Variants in GPR176 observed in about 807,000 individuals in gnomAD.
GPR176 encodes the protein G protein-coupled receptor 176.
In GPR176, 26 loss-of-function variants were observed where a neutral mutation model predicts 35.4. The ratio of observed to expected loss-of-function variants is 0.74; its 90% CI spans 0.54 to 1.02. GPR176 has a LOEUF of 1.02. GPR176 is among the 50% of genes least tolerant of loss of function. GPR176 has a pLI of 0.00. For missense variants in GPR176, 597 were observed against 665.3 expected (o/e 0.90, Z 1.13); for synonymous variants, 278 against 271.3 (o/e 1.02, Z -0.24).
At chr15:39,874,732 C>A (rs2032177067) in intron 1 of GPR176, among the ~76,000 whole-genome samples, 1 of 152,094 alleles carries the variant, frequency 6.6e-6, no homozygotes, top group African/African-American at 2.4e-5. Flanking sequence ...AATAATGTCA[C>A]AAAAATGCTT....
At chr15:39,814,029 A>G (rs1899740072) in intron 1 of GPR176, among the ~76,000 whole-genome samples, 4 of 152,210 alleles carry the variant, frequency 2.6e-5, no homozygotes, top group African/African-American at 9.6e-5. Flanking sequence ...CAGCCTCACT[A>G]AAATGTTTGC....
chr15:39,853,304 A>G (rs574995033), intron 1 of GPR176, among the ~76,000 whole-genome samples: 16 of 152,244 alleles, frequency 1.1e-4, no homozygotes, highest in Non-Finnish European at 1.9e-4. Context: ...AAGTGAAATC[A>G]GCCAGTCACA....
At chr15:39,814,113 GT>G (rs1477755878) in intron 1 of GPR176, among the ~76,000 whole-genome samples, 5 of 152,194 alleles carry the variant, frequency 3.3e-5, no homozygotes, top group African/African-American at 1.2e-4. Context: ...GTTTGCAACT[GT>G]GCATGTTACC....
At chr15:39,857,042 A>G (rs1414265598) in intron 1 of GPR176, among the ~76,000 whole-genome samples, 1 of 152,134 alleles carries the variant, frequency 6.6e-6, no homozygotes, top group Non-Finnish European at 1.5e-5. Flanking sequence ...CATTCCATAT[A>G]TATTTATTGG....
intron 2 of GPR176, among the ~76,000 whole-genome samples, chr15:39,805,909 C>T (rs911939364): frequency 1.3e-5 from 2 of 152,212 alleles, no homozygotes; most frequent in African/African-American, 4.8e-5. Flanking sequence ...GTAGGCAGGA[C>T]TCAAAGCCAG....
At chr15:39,850,717 G>A (rs1206777863) in intron 1 of GPR176, among the ~76,000 whole-genome samples, 1 of 151,936 alleles carries the variant, frequency 6.6e-6, no homozygotes, top group African/African-American at 2.4e-5. Context: ...TTACCATCGG[G>A]GGACATTGGG....
chr15:39,851,040 GA>G (rs1161845963), intron 1 of GPR176, among the ~76,000 whole-genome samples: 1 of 152,078 alleles, frequency 6.6e-6, no homozygotes, highest in Non-Finnish European at 1.5e-5. Flanking sequence ...TGTGAAGAAC[GA>G]AAGACAAAGT....
intron 1 of GPR176, among the ~76,000 whole-genome samples, chr15:39,874,456 A>G (rs1228459302): frequency 6.6e-6 from 1 of 152,182 alleles, no homozygotes; most frequent in Non-Finnish European, 1.5e-5. Flanking sequence ...AACAAATTCC[A>G]AAGTTCTTCC....
intron 1 of GPR176, among the ~76,000 whole-genome samples, chr15:39,825,489 T>C (rs1276305888): frequency 6.6e-6 from 1 of 152,096 alleles, no homozygotes; most frequent in Non-Finnish European, 1.5e-5. Context: ...TATGGTATTA[T>C]TATTTTGTAA....
chr15:39,889,272 C>T (rs2032778641), intron 1 of GPR176, among the ~76,000 whole-genome samples: 1 of 152,124 alleles, frequency 6.6e-6, no homozygotes, highest in Non-Finnish European at 1.5e-5. Flanking sequence ...TATTGGCCGG[C>T]CACAGTGGTT....
intron 1 of GPR176, among the ~76,000 whole-genome samples, chr15:39,808,161 T>C (rs1306578865): frequency 6.6e-6 from 1 of 152,210 alleles, no homozygotes; most frequent in Non-Finnish European, 1.5e-5. Context: ...CTGGTAATTT[T>C]CCATCAAAAT....
chr15:39,894,794 C>G (rs964577901), intron 1 of GPR176, among the ~76,000 whole-genome samples: 3 of 149,954 alleles, frequency 2.0e-5, no homozygotes, highest in African/African-American at 7.4e-5. Context: ...CAGGCAGAGA[C>G]GCTCCTCACT....
At chr15:39,890,547 A>C (rs562146457) in intron 1 of GPR176, among the ~76,000 whole-genome samples, 2 of 152,364 alleles carry the variant, frequency 1.3e-5, no homozygotes, top group South Asian at 4.1e-4. Flanking sequence ...ATAGAATCAT[A>C]TACTTTGATT....
intron 1 of GPR176, among the ~76,000 whole-genome samples, chr15:39,871,923 T>C (rs1202639224): frequency 1.3e-5 from 2 of 152,198 alleles, no homozygotes; most frequent in African/African-American, 4.8e-5. Flanking sequence ...AAAGCTAAAA[T>C]GGAAAGACAT....
chr15:39,866,162 C>T (rs1422399080), intron 1 of GPR176, among the ~76,000 whole-genome samples: 2 of 151,966 alleles, frequency 1.3e-5, no homozygotes, highest in East Asian at 1.9e-4. Flanking sequence ...ATATATACTA[C>T]ATATTTGCTT....
intron 1 of GPR176, among the ~76,000 whole-genome samples, chr15:39,815,801 A>G (rs530261909): frequency 3.3e-5 from 5 of 152,234 alleles, no homozygotes; most frequent in African/African-American, 4.8e-5. Context: ...TACTGGGTAT[A>G]TATCCAAAGG....
chr15:39,903,615 G>C (rs2033341201), intron 1 of GPR176, among the ~76,000 whole-genome samples: 1 of 151,984 alleles, frequency 6.6e-6, no homozygotes, highest in South Asian at 2.1e-4. Flanking sequence ...TCTTACACAG[G>C]TTTAAGTAAT....
chr15:39,838,416 C>T (rs555318964), intron 1 of GPR176, among the ~76,000 whole-genome samples: 83 of 152,142 alleles, frequency 5.5e-4, no homozygotes, highest in Admixed American at 1.0e-3. Flanking sequence ...TCTAAGATGA[C>T]TTACTGATTC....
At chr15:39,906,943 G>C (rs2033438363) in intron 1 of GPR176, among the ~76,000 whole-genome samples, 1 of 152,202 alleles carries the variant, frequency 6.6e-6, no homozygotes, top group South Asian at 2.1e-4. Context: ...CAGTTCTCAA[G>C]GTGCTGCATT....
Sources: gnomAD v4.1 joint callset for allele counts (sites outside exome capture counted in the v4.1 genomes callset) on GRCh38, gnomAD v4.1.1 for gene constraint, MANE v1.5 for transcripts, NCBI Gene and HGNC (gene_info 2026-07-23, HGNC 2026-07-21) for gene names.